Variants in FIGNL2 observed in about 807,000 individuals in gnomAD.
FIGNL2 encodes the protein fidgetin like 2.
For synonymous variants in FIGNL2, 565 were observed against 484.0 expected, an observed-to-expected ratio of 1.17 and a Z score of -2.20; for missense variants, 1,060 against 950.2, an observed-to-expected ratio of 1.12 and a Z score of -1.52.
intron 1 of FIGNL2, among the ~76,000 whole-genome samples, chr12:51,840,900 T>C (rs1939649750): frequency 6.6e-6 from 1 of 152,202 alleles, no homozygotes; most frequent in Non-Finnish European, 1.5e-5. Context: ...TTGGGTGGCA[T>C]GTGGCCTCCA....
intron 1 of FIGNL2, among the ~76,000 whole-genome samples, chr12:51,827,064 A>G (rs1428447027): frequency 6.6e-6 from 1 of 152,208 alleles, no homozygotes; most frequent in Non-Finnish European, 1.5e-5. Context: ...TATAGGTGGA[A>G]AATGCTGTCT....
chr12:51,847,921 C>T (rs1280160831), intron 1 of FIGNL2: 1 of 828,396 alleles, frequency 1.2e-6, no homozygotes, highest in African/African-American at 1.8e-5. Flanking sequence ...TCCTACAACC[C>T]CCTGACTCTG....
rs1371044438 is a variant in FIGNL2, at chr12:51,819,314, G to C, written c.*1138C>G. The C allele has an allele frequency of 6.6e-6, 1 of 152,640 alleles. No homozygotes were observed. Among genetic ancestry groups the C allele is most frequent in the East Asian group, 1.9e-4 (1 of 5,180 alleles). The allele number at this position is 152,640 out of a possible 1,614,324, so 9.5% of individuals were successfully genotyped here. ...TCAGCGGAGGGGTTGGGTGGGGCAG[G>C]GGGTGGGGAGCAGCAGGAGAGGAAT... On this transcript the variant is annotated 3_prime_UTR_variant, in exon 2 of 2. Transcript: ENST00000618634.
intron 1 of FIGNL2, chr12:51,847,136 A>T: frequency 1.0e-6 from 1 of 985,420 alleles, no homozygotes; most frequent in Middle Eastern, 5.2e-4. Context: ...GGGCTCAGGC[A>T]CAGCGGGGAA....
chr12:51,821,767 T>C lies in FIGNL2; in HGVS notation c.647A>G (p.Tyr216Cys). Residue 216 changes from tyrosine (Y) to cysteine (C), a missense_variant, in exon 2 of 2, where the codon TAT becomes TGT. Physicochemically the swap from Tyr to Cys is radical, Grantham distance 194. Transcript: ENST00000618634. ...GCCTGGGGGCGGCGGGAGCGCGCCA[T>C]AGCCGGGCTGCGCTGCGTAGCCCCC... Reference protein sequence around the residue: ...PAGGYAAQPGYGALPPPPGPP... With the variant: ...PAGGYAAQPGCGALPPPPGPP... The C allele has an allele frequency of 1.6e-6, 2 of 1,279,202 alleles. No individual in the cohort carries two copies. The highest frequency in any genetic ancestry group is 2.0e-6 in the Non-Finnish European group (2 of 1,019,530). The allele number at this position is 1,279,202 out of a possible 1,614,324, so 79.2% of individuals were successfully genotyped here. A position where few individuals can be genotyped will look rare whatever the true frequency, so the allele number is the denominator to read the frequency against.
chr12:51,827,982 C>G (rs1352333125), intron 1 of FIGNL2, among the ~76,000 whole-genome samples: 3 of 152,156 alleles, frequency 2.0e-5, no homozygotes, highest in Non-Finnish European at 2.9e-5. Flanking sequence ...AAGCCCAGGC[C>G]CTGAACCACT....
chr12:51,843,780 T>A (rs1003731688), intron 1 of FIGNL2, among the ~76,000 whole-genome samples: 1 of 152,056 alleles, frequency 6.6e-6, no homozygotes, highest in Non-Finnish European at 1.5e-5. Context: ...GGGCTTCAAA[T>A]ATGGCCTGGC....
In FIGNL2 at chr12:51,821,998, A is replaced by G. The variant is rs937435213; in HGVS notation, c.416T>C (p.Leu139Pro). The G allele has an allele frequency of 1.5e-5, 24 of 1,588,300 alleles. No homozygotes were observed. The highest frequency in any genetic ancestry group is 2.1e-5 in the Non-Finnish European group (24 of 1,168,434). Residue 139 changes from leucine (L) to proline (P), a missense_variant, in exon 2 of 2, where the codon CTC (leucine) becomes CCC (proline). Coordinates refer to ENST00000618634, the MANE Select transcript of FIGNL2 (RefSeq NM_001384995.1). ...ATTGCCGGCGTAGAGGGGTTCAGGG[A>G]GGTTCCCGGCTAAAACTGGGGAGCC... ...LGGSPVLAGN[L>P]PEPLYAGNAC...
intron 1 of FIGNL2, chr12:51,845,691 T>C (rs979954537): frequency 1.0e-6 from 1 of 984,946 alleles, no homozygotes; most frequent in Non-Finnish European, 1.2e-6. Context: ...GACCAGCCTG[T>C]CTCTTGCCCT....
intron 1 of FIGNL2, among the ~76,000 whole-genome samples, chr12:51,831,487 C>G (rs559224124): frequency 6.6e-6 from 1 of 152,338 alleles, no homozygotes. Flanking sequence ...ACGCAATCCT[C>G]TGGAGGCCAA....
At chr12:51,836,850 G>C (rs911097513) in intron 1 of FIGNL2, among the ~76,000 whole-genome samples, 4 of 152,022 alleles carry the variant, frequency 2.6e-5, no homozygotes, top group Admixed American at 2.0e-4. Flanking sequence ...GTCTGAGCAG[G>C]GTGGACACCC....
At chr12:51,848,390 C>T (rs1478827528) in intron 1 of FIGNL2, 150 bp downstream of exon 1, 6 of 983,640 alleles carry the variant, frequency 6.1e-6, no homozygotes, top group Non-Finnish European at 7.2e-6. Flanking sequence ...GCCGGCCCTG[C>T]CCTCCGACCC....
chr12:51,830,782 A>G (rs775990201), intron 1 of FIGNL2, among the ~76,000 whole-genome samples: 36 of 151,560 alleles, frequency 2.4e-4, no homozygotes, highest in South Asian at 4.2e-4. Context: ...GAGCCACCAC[A>G]CCCGGCCTAC....
chr12:51,838,681 C>T (rs1939614998), intron 1 of FIGNL2, among the ~76,000 whole-genome samples: 1 of 152,282 alleles, frequency 6.6e-6, no homozygotes, highest in East Asian at 1.9e-4. Context: ...GTGGAACTTT[C>T]CTGACTAGCT....
intron 1 of FIGNL2, chr12:51,847,598 C>A: frequency 1.0e-6 from 1 of 985,436 alleles, no homozygotes; most frequent in Non-Finnish European, 1.2e-6. Flanking sequence ...CTCCGGGCCG[C>A]CGCTGGGCGC....
rs941426729 is a variant in FIGNL2, at chr12:51,821,462, C to A, written c.952G>T (p.Glu318Ter). ...CCACCGTACTTGCCCGACGCCTCCT[C>A]CGCGGCTCCTGGCGGCTTGGCCCGG... ...GFRAKPPGAAEEASGKYGGGV... is the reference protein window; with the variant it reads ...GFRAKPPGAA Residue 318 changes from glutamate to a stop codon, truncating the protein, a stop_gained, in exon 2 of 2, where the codon GAG becomes TAG. Coordinates refer to ENST00000618634, the MANE Select transcript of FIGNL2 (RefSeq NM_001384995.1). LOFTEE classifies it low-confidence loss of function (END_TRUNC). The A allele has an allele frequency of 6.5e-6, 10 of 1,541,422 alleles. No homozygotes were observed. Among genetic ancestry groups the A allele is most frequent in the Non-Finnish European group, 7.0e-6 (8 of 1,147,642 alleles).
intron 1 of FIGNL2, among the ~76,000 whole-genome samples, chr12:51,839,846 GCT>G (rs1939632585): frequency 6.6e-6 from 1 of 152,164 alleles, no homozygotes; most frequent in African/African-American, 2.4e-5. Flanking sequence ...CCTTTCTGCA[GCT>G]CTCTCTCTAC....
chr12:51,823,481 C>T (rs1297235630), intron 1 of FIGNL2: 1 of 152,242 alleles, frequency 6.6e-6, no homozygotes, highest in Non-Finnish European at 1.5e-5. Context: ...CAACGTCCTT[C>T]TTGCCATCCA....
At chr12:51,845,934 G>A (rs1169335623) in intron 1 of FIGNL2, among the ~76,000 whole-genome samples, 1 of 152,080 alleles carries the variant, frequency 6.6e-6, no homozygotes, top group African/African-American at 2.4e-5. Context: ...CCGGACTTGG[G>A]GGGGTGGGGT....
Sources: gnomAD v4.1 joint callset for allele counts (sites outside exome capture counted in the v4.1 genomes callset) on GRCh38, gnomAD v4.1.1 for gene constraint, MANE v1.5 for transcripts, NCBI Gene and HGNC (gene_info 2026-07-23, HGNC 2026-07-21) for gene names.